The following NR2F1 variants were observed in gnomAD, a reference collection of about 807,000 sequenced individuals.
NR2F1 encodes nuclear receptor subfamily 2 group F member 1.
In NR2F1, 1 loss-of-function variant was observed where a neutral mutation model predicts 37.7. That is an observed-to-expected ratio of 0.03 (90% CI 0.01 to 0.13). NR2F1 has a LOEUF of 0.13. Ranked by LOEUF, NR2F1 falls within the 10% of genes least tolerant of loss-of-function variation. The pLI is 1.00. For synonymous variants in NR2F1, 275 were observed against 259.6 expected (o/e 1.06, Z -0.57); for missense variants, 268 against 578.4 (o/e 0.46, Z 5.50).
intron 2 of NR2F1, among the ~76,000 whole-genome samples, chr5:93,589,420 G>C (rs895905753): frequency 1.3e-5 from 2 of 152,192 alleles, no homozygotes; most frequent in African/African-American, 2.4e-5. Flanking sequence ...AAACACCCAG[G>C]ACAGCAGGTA....
intron 2 of NR2F1, among the ~76,000 whole-genome samples, chr5:93,588,731 G>GGT (rs1753278225): frequency 6.6e-6 from 1 of 151,594 alleles, no homozygotes; most frequent in Non-Finnish European, 1.5e-5. Flanking sequence ...GGCTGCCGAG[G>GGT]GTGTGTGTCT....
In NR2F1 at chr5:93,593,521, C is replaced by T; in HGVS notation, c.992-41C>T. 6.3e-7 allele frequency: 1 copy of T among 1,588,100 alleles called. No homozygotes were observed. The highest frequency in any genetic ancestry group is 8.6e-7 in the Non-Finnish European group (1 of 1,161,940). On this transcript the variant is annotated intron_variant, in intron 2 of 2. Coordinates refer to ENST00000327111, the MANE Select transcript of NR2F1 (RefSeq NM_005654.6). The surrounding 1 kb of genome is among the most constrained non-coding windows in gnomAD (Gnocchi z 5.6). Reference sequence around the variant, plus strand: ...TGCTATTTGTCAGCCTAACCGTGTGCTCCCTTTCCCTGTCTCTCCCTCCTG... The same window carrying T: ...TGCTATTTGTCAGCCTAACCGTGTGTTCCCTTTCCCTGTCTCTCCCTCCTG...
chr5:93,589,447 A>G (rs1753294706), intron 2 of NR2F1, among the ~76,000 whole-genome samples: 2 of 152,242 alleles, frequency 1.3e-5, no homozygotes, highest in African/African-American at 2.4e-5. Context: ...AGAAATAGAG[A>G]CAAAGCCAGA....
Position 93,593,529 on chromosome 5 carries a change from C to T in NR2F1, c.992-33C>T. On this transcript the variant is annotated intron_variant, in intron 2 of 2. Transcript: ENST00000327111. This position sits in a 1 kb window ranked among gnomAD's most constrained non-coding sequence, Gnocchi z 5.6. ...GTCAGCCTAACCGTGTGCTCCCTTT[C>T]CCTGTCTCTCCCTCCTGTGGCTGCT... The T allele has an allele frequency of 3.8e-6, 6 of 1,599,134 alleles. No homozygotes were observed. The highest frequency in any genetic ancestry group is 3.4e-6 in the Non-Finnish European group (4 of 1,169,112).
Position 93,593,930 on chromosome 5 carries a change from G to A in NR2F1, c.*88G>A. On this transcript the variant is annotated 3_prime_UTR_variant, in exon 3 of 3. Coordinates refer to ENST00000327111, the MANE Select transcript of NR2F1 (RefSeq NM_005654.6). This position sits in a 1 kb window ranked among gnomAD's most constrained non-coding sequence, Gnocchi z 5.6. ...GACTCCAAAGCCGCGGGGACACCGGGAAGTGCAGCGGGCCAGGCAGGCTGG... is the reference window on the plus strand; with the variant it reads ...GACTCCAAAGCCGCGGGGACACCGGAAAGTGCAGCGGGCCAGGCAGGCTGG... 2.2e-6 allele frequency: 3 copies of A among 1,364,054 alleles called. No homozygotes were observed. The highest frequency in any genetic ancestry group is 3.0e-6 in the Non-Finnish European group (3 of 988,208). The allele number at this position is 1,364,054 out of a possible 1,614,324, so 84.5% of individuals were successfully genotyped here.
In NR2F1 at chr5:93,585,650, C is replaced by T. The variant is rs1580358805; in HGVS notation, c.463+164C>T. 4 of 622,230 alleles carry T rather than the reference C, an allele frequency of 6.4e-6. 1 individual carries two copies. In the South Asian group the frequency reaches 7.9e-5, roughly 12 times the overall value. The allele number at this position is 622,230 out of a possible 1,614,324, so 38.5% of individuals were successfully genotyped here. ...GCCTTCCTCCCCCGGCGTCTCCCCC[C>T]GCCCTCCCCAGCTCGCTGCCGCTGC... On this transcript the variant is annotated intron_variant, in intron 1 of 2. Coordinates refer to ENST00000327111, the MANE Select transcript of NR2F1 (RefSeq NM_005654.6).
chr5:93,588,179 T>C lies in NR2F1; in HGVS notation c.726T>C (p.Asp242=). The part of the protein sequence containing the change: ...EWARNIPFFP[D]LQITDQVSLL... Reference sequence around the variant, plus strand: ...CCCGCAACATCCCCTTCTTCCCGGATCTGCAGATCACCGACCAGGTGTCCC... The same window carrying C: ...CCCGCAACATCCCCTTCTTCCCGGACCTGCAGATCACCGACCAGGTGTCCC... Residue 242 remains aspartate (D), a synonymous_variant, in exon 2 of 3, where the codon GAT becomes GAC. Coordinates refer to ENST00000327111, the MANE Select transcript of NR2F1 (RefSeq NM_005654.6). The C allele has an allele frequency of 1.2e-6, 2 of 1,614,024 alleles. No individual in the cohort carries two copies. The highest frequency in any genetic ancestry group is 2.2e-5 in the South Asian group (2 of 91,080).
At chr5:93,590,841 C>G (rs985416899) in intron 2 of NR2F1, among the ~76,000 whole-genome samples, 2 of 152,178 alleles carry the variant, frequency 1.3e-5, no homozygotes, top group Admixed American at 1.3e-4. Context: ...ATGTTTAATC[C>G]TTAATATTCT....
Position 93,593,360 on chromosome 5 carries a change from A to G in NR2F1, c.992-202A>G, listed in dbSNP as rs1753366254. On this transcript the variant is annotated intron_variant, in intron 2 of 2. Coordinates refer to ENST00000327111, the MANE Select transcript of NR2F1 (RefSeq NM_005654.6). This position sits in a 1 kb window ranked among gnomAD's most constrained non-coding sequence, Gnocchi z 5.6. ...GGGGGTTTGATTTATTTTTATTTGT[A>G]TTGTATTGGGGGCGGGGGAGGAGGG... Among the ~76,000 whole-genome samples, 1 of 143,466 alleles carries G rather than the reference A, an allele frequency of 7.0e-6. No homozygotes were observed. Among genetic ancestry groups the G allele is most frequent in the Non-Finnish European group, 1.5e-5 (1 of 65,880 alleles). 94.1% of individuals were successfully genotyped at this position (143,466 alleles called of 152,430 possible).
rs142689077 is a variant in NR2F1, at chr5:93,593,614, G to T, written c.1044G>T (p.Ser348=). Residue 348 remains serine, a synonymous_variant, in exon 3 of 3, where the codon TCG becomes TCT. Transcript: ENST00000327111. This position sits in a 1 kb window ranked among gnomAD's most constrained non-coding sequence, Gnocchi z 5.6. The stretch of plus-strand genomic sequence containing the variant: ...ACATCGAGAGCCTGCAGGAGAAGTC[G>T]CAGTGCGCACTGGAGGAGTACGTGA... The part of the protein sequence containing the change: ...AAHIESLQEK[S]QCALEEYVRS... 5 of 1,613,840 alleles carry T rather than the reference G, an allele frequency of 3.1e-6. No individual in the cohort carries two copies. The African/African-American group carries it at 5.3e-5, about 17-fold the overall frequency.
intron 2 of NR2F1, among the ~76,000 whole-genome samples, chr5:93,591,181 A>G (rs187061939): frequency 1.3e-5 from 2 of 152,372 alleles, no homozygotes; most frequent in African/African-American, 4.8e-5. Context: ...TAGAAGAAAT[A>G]TTGAGAGTTC....
In NR2F1 at chr5:93,585,224, G is replaced by T. The variant is rs1172906988; in HGVS notation, c.201G>T (p.Ala67=). 3.9e-6 allele frequency: 6 copies of T among 1,548,738 alleles called. No individual in the cohort carries two copies. In the East Asian group the frequency reaches 9.8e-5, roughly 25 times the overall value. The change falls in exon 1 of 3, where the codon GCG becomes GCT. Residue 67 remains alanine (A), a synonymous_variant. Coordinates refer to ENST00000327111, the MANE Select transcript of NR2F1 (RefSeq NM_005654.6). ...QPGAPATPGT[A]GDKGQGPPGS... ...GAGCGCCCGCCACCCCCGGCACGGC[G>T]GGGGACAAGGGCCAGGGCCCGCCCG... is the stretch of plus-strand genomic sequence containing the variant.
rs1257105714 is a variant in NR2F1 at position 93,584,557 on chromosome 5, G to C, written c.-467G>C. The C allele has an allele frequency of 6.7e-6, 1 of 148,222 alleles. No individual in the cohort carries two copies. The highest frequency in any genetic ancestry group is 1.5e-5 in the Non-Finnish European group (1 of 66,770). 9.2% of individuals were successfully genotyped at this position (148,222 alleles called of 1,614,324 possible). ...CGCGCCGCTCCCGGCTGCCGCCTGT[G>C]CCATTTCTGATTTTGCAACTTGGGG... On this transcript the variant is annotated 5_prime_UTR_variant, in exon 1 of 3. Transcript: ENST00000327111.
intron 2 of NR2F1, 42 bp downstream of exon 2, chr5:93,588,486 G>T: frequency 1.4e-6 from 2 of 1,436,074 alleles, no homozygotes; most frequent in South Asian, 1.6e-5. Flanking sequence ...CGCCGGCAGC[G>T]AGCGCAGGCC....
intron 1 of NR2F1, 128 bp downstream of exon 1, chr5:93,585,614 T>C: frequency 1.3e-6 from 1 of 742,946 alleles, no homozygotes; most frequent in Non-Finnish European, 2.2e-6. Context: ...CCAGCTTTCC[T>C]TCTCCCGGCT....
At position 93,585,386 on chromosome 5, in the gene NR2F1, A is replaced by G. The variant is rs1753212432; in HGVS notation, c.363A>G (p.Thr121=). The change falls in exon 1 of 3, where the codon ACA becomes ACG. Residue 121 remains threonine (T), a synonymous_variant. Transcript: ENST00000327111. The part of the protein sequence containing the change: ...KRSVRRNLTY[T]CRANRNCPID... ...GCGTCCGCAGGAACTTAACTTACAC[A>G]TGCCGTGCCAACAGGAACTGTCCCA... 5.0e-6 allele frequency: 8 copies of G among 1,614,042 alleles called. No homozygotes were observed. Among genetic ancestry groups the G allele is most frequent in the East Asian group, 2.2e-5 (1 of 44,864 alleles).
intron 2 of NR2F1, among the ~76,000 whole-genome samples, chr5:93,588,792 CGTGTGT>C (rs969188939): frequency 2.1e-5 from 3 of 141,004 alleles, no homozygotes; most frequent in African/African-American, 8.0e-5. Flanking sequence ...CGCGCGCGCG[CGTGTGT>C]GTGTGTGTGT....
intron 2 of NR2F1, among the ~76,000 whole-genome samples, chr5:93,588,872 G>A (rs534634486): frequency 2.0e-5 from 3 of 152,266 alleles, no homozygotes; most frequent in South Asian, 2.1e-4. Context: ...CAGCGTTTCT[G>A]GGGGAGGCGA....
Position 93,583,872 on chromosome 5 carries a change from G to C in NR2F1, c.-1152G>C, listed in dbSNP as rs1753173650. 6.6e-6 allele frequency: 1 copy of C among 152,412 alleles called. No individual in the cohort carries two copies. The highest frequency in any genetic ancestry group is 2.4e-5 in the African/African-American group (1 of 41,406). 9.4% of individuals were successfully genotyped at this position (152,412 alleles called of 1,614,324 possible). A position where few individuals can be genotyped will look rare whatever the true frequency, so the allele number is the denominator to read the frequency against. On this transcript the variant is annotated 5_prime_UTR_variant, in exon 1 of 3. Transcript: ENST00000327111. The stretch of plus-strand genomic sequence containing the variant: ...CTATTTCGCTGTGATTTCGTCGCCG[G>C]CGTGAATTATCCCGTATTTTTCTCC...
Sources: gnomAD v4.1 joint callset for allele counts (sites outside exome capture counted in the v4.1 genomes callset) on GRCh38, gnomAD v4.1.1 for gene constraint, Gnocchi (gnomAD v3.1) non-coding constraint, MANE v1.5 for transcripts, NCBI Gene and HGNC (gene_info 2026-07-23, HGNC 2026-07-21) for gene names.